Variants in LEPR observed in about 807,000 individuals in gnomAD.
The protein encoded by LEPR is leptin receptor, also known as OB receptor.
LEPR carries 56 observed loss-of-function variants against 114.7 expected under a neutral mutation model. That is an observed-to-expected ratio of 0.49 (90% confidence interval 0.39 to 0.61). The LOEUF is 0.61. Ranked by LOEUF, LEPR falls within the 20% of genes least tolerant of loss-of-function variation. The pLI, the probability that LEPR is intolerant of heterozygous loss-of-function variation, is 0.00. For missense variants in LEPR, 1,202 were observed against 1,352.9 expected (o/e 0.89, Z 1.75); for synonymous variants, 443 against 461.4 (o/e 0.96, Z 0.51).
intron 2 of LEPR, among the ~76,000 whole-genome samples, chr1:65,494,915 G>C (rs969629210): frequency 5.9e-5 from 9 of 151,950 alleles, no homozygotes; most frequent in African/African-American, 2.2e-4. Context: ...ATCTCAAAAT[G>C]AGTCAAAGAC....
chr1:65,579,937 C>G (rs1316358862), intron 5 of LEPR, among the ~76,000 whole-genome samples: 2 of 152,066 alleles, frequency 1.3e-5, no homozygotes, highest in Admixed American at 1.3e-4. Flanking sequence ...CAATAGGACC[C>G]AGAAGAATGA....
At position 65,432,071 on chromosome 1, in the gene LEPR, G is replaced by C. The variant is rs143832926; in HGVS notation, c.-21+6693G>C. On this transcript the variant is annotated intron_variant, in intron 2 of 19. Coordinates refer to ENST00000349533, the MANE Select transcript of LEPR (RefSeq NM_002303.6). ...CACTTTAAGAAAGACTTCATAAGTA[G>C]GAGATGAGTTTTATTCTCAGCAAAT... The C allele has an allele frequency of 1.1e-5, 15 of 1,349,642 alleles. No individual in the cohort carries two copies. In the South Asian group the frequency reaches 1.1e-4, roughly 10 times the overall value. The allele number at this position is 1,349,642 out of a possible 1,614,324, so 83.6% of individuals were successfully genotyped here. A position where few individuals can be genotyped will look rare whatever the true frequency, so the allele number is the denominator to read the frequency against.
chr1:65,626,393 A>C (rs1304817068), intron 19 of LEPR: 6 of 791,048 alleles, frequency 7.6e-6, no homozygotes, highest in Non-Finnish European at 9.2e-6. Flanking sequence ...ATCTCTGGAA[A>C]TATTTGACTT....
At chr1:65,432,902 T>C in intron 2 of LEPR, 1 of 899,266 alleles carries the variant, frequency 1.1e-6, no homozygotes, top group Non-Finnish European at 1.3e-6. Context: ...AACCGTATTG[T>C]ACCCTATAAA....
At chr1:65,513,370 G>A (rs1158829591) in intron 2 of LEPR, among the ~76,000 whole-genome samples, 1 of 152,104 alleles carries the variant, frequency 6.6e-6, no homozygotes, top group African/African-American at 2.4e-5. Context: ...TACTAATAAA[G>A]GTTTCCTTAA....
chr1:65,492,483 G>T (rs1244261445), intron 2 of LEPR, among the ~76,000 whole-genome samples: 1 of 151,870 alleles, frequency 6.6e-6, no homozygotes, highest in Non-Finnish European at 1.5e-5. Flanking sequence ...CCTTATGTTG[G>T]GTACAATCTT....
chr1:65,469,322 G>A (rs1647054377), intron 2 of LEPR, among the ~76,000 whole-genome samples: 1 of 152,158 alleles, frequency 6.6e-6, no homozygotes, highest in Non-Finnish European at 1.5e-5. Context: ...ACAATGTGGA[G>A]AACAAAGAGC....
At chr1:65,456,736 G>A (rs1407053245) in intron 2 of LEPR, among the ~76,000 whole-genome samples, 2 of 151,954 alleles carry the variant, frequency 1.3e-5, no homozygotes, top group Non-Finnish European at 2.9e-5. Context: ...CATATACTTG[G>A]GTCTGGTTTC....
chr1:65,459,612 A>T (rs1356459269), intron 2 of LEPR, among the ~76,000 whole-genome samples: 1 of 152,204 alleles, frequency 6.6e-6, no homozygotes, highest in Non-Finnish European at 1.5e-5. Context: ...AACAAAGGGA[A>T]ATGTTCACAG....
At chr1:65,550,023 C>T (rs1357390178) in intron 2 of LEPR, among the ~76,000 whole-genome samples, 1 of 152,112 alleles carries the variant, frequency 6.6e-6, no homozygotes, top group Admixed American at 6.5e-5. Flanking sequence ...GTTAGTTTTC[C>T]TTTTAACAGA....
intron 2 of LEPR, among the ~76,000 whole-genome samples, chr1:65,549,710 T>C (rs1255702205): frequency 2.0e-5 from 3 of 152,084 alleles, no homozygotes; most frequent in Admixed American, 6.5e-5. Context: ...AGTTATACAT[T>C]TGTCTAAATT....
intron 5 of LEPR, among the ~76,000 whole-genome samples, chr1:65,582,468 G>A (rs1251953930): frequency 1.3e-5 from 2 of 152,126 alleles, no homozygotes; most frequent in African/African-American, 4.8e-5. Flanking sequence ...TCAGTTCCTT[G>A]TTATGTGGAT....
intron 6 of LEPR, among the ~76,000 whole-genome samples, chr1:65,595,926 T>A (rs1309841435): frequency 6.6e-6 from 1 of 152,140 alleles, no homozygotes; most frequent in East Asian, 1.9e-4. Flanking sequence ...CTGCTGATGC[T>A]GCATTTATTG....
In LEPR at chr1:65,515,124, G is replaced by A. The variant is rs538361747; in HGVS notation, c.-20-50422G>A. Among the ~76,000 whole-genome samples the A allele has an allele frequency of 1.4e-4, 21 of 152,318 alleles. No individual in the cohort carries two copies. In the East Asian group the frequency reaches 3.7e-3, roughly 27 times the overall value. The stretch of plus-strand genomic sequence containing the variant: ...TGATGGTGGTGGGTGATGGTTGAGG[G>A]AGGGATGCTGTGGAATGAAGGAATA... On this transcript the variant is annotated intron_variant, in intron 2 of 19. Coordinates refer to ENST00000349533, the MANE Select transcript of LEPR (RefSeq NM_002303.6).
At chr1:65,450,264 A>C (rs1646765669) in intron 2 of LEPR, among the ~76,000 whole-genome samples, 1 of 152,090 alleles carries the variant, frequency 6.6e-6, no homozygotes, top group African/African-American at 2.4e-5. Context: ...TCCAGATTAA[A>C]TGCTTTTTTA....
rs575429419 is a variant in LEPR, at chr1:65,626,951, A to G, written c.2673+3970A>G. ...ACACCCTGCCTAAAATATGCTTTTT[A>G]AAGGAAAAATAATATAGTGTAACTC... On this transcript the variant is annotated intron_variant, in intron 19 of 19. Transcript: ENST00000349533. Among the ~76,000 whole-genome samples the G allele has an allele frequency of 1.8e-4, 28 of 152,324 alleles. No homozygotes were observed. The South Asian group carries it at 5.8e-3, about 32-fold the overall frequency.
At position 65,452,072 on chromosome 1, in the gene LEPR, G is replaced by C. The variant is rs370454516; in HGVS notation, c.-21+26694G>C. Among the ~76,000 whole-genome samples the C allele has an allele frequency of 8.2e-4, 124 of 151,636 alleles. 3 individuals carry two copies. The highest frequency in any genetic ancestry group is 1.6e-3 in the Non-Finnish European group (106 of 67,846). On this transcript the variant is annotated intron_variant, in intron 2 of 19. Transcript: ENST00000349533. ...ATGGGAGTTCACTCATGATTTGGCT[G>C]TCTGTTTGTCTGTTATTGGTGTATA...
intron 19 of LEPR, chr1:65,629,270 C>A: frequency 2.6e-6 from 1 of 379,622 alleles, no homozygotes; most frequent in Non-Finnish European, 5.1e-6. Flanking sequence ...CACTCTTACG[C>A]TTCCCTCCAT....
intron 2 of LEPR, among the ~76,000 whole-genome samples, chr1:65,456,078 G>T (rs1646870138): frequency 6.6e-6 from 1 of 152,170 alleles, no homozygotes; most frequent in African/African-American, 2.4e-5. Flanking sequence ...TCTTTGACTA[G>T]GAAAGGAAAC....
Sources: gnomAD v4.1 joint callset for allele counts (sites outside exome capture counted in the v4.1 genomes callset) on GRCh38, gnomAD v4.1.1 for gene constraint, MANE v1.5 for transcripts, NCBI Gene and HGNC (gene_info 2026-07-23, HGNC 2026-07-21) for gene names.